RAD51B: variants seen among roughly 807,000 people sequenced by gnomAD.
The protein encoded by RAD51B is RAD51 paralog B.
Under a neutral mutation model 42.2 loss-of-function variants are expected in RAD51B, and 38 were observed. The observed-to-expected ratio is 0.90, with a 90% CI of 0.70 to 1.18. RAD51B has a LOEUF of 1.18. RAD51B is among the 50% of genes most tolerant of loss of function. The pLI, the probability that RAD51B is intolerant of heterozygous loss-of-function variation, is 0.00. For missense variants in RAD51B, 373 were observed against 400.7 expected (o/e 0.93, Z 0.59); for synonymous variants, 154 against 145.2 (o/e 1.06, Z -0.43).
intron 7 of RAD51B, among the ~76,000 whole-genome samples, chr14:68,067,475 A>C (rs1191979195): frequency 1.4e-5 from 2 of 142,912 alleles, no homozygotes; most frequent in Non-Finnish European, 3.0e-5. Context: ...GAAAAAAAAA[A>C]ACAAAAAAAA....
At chr14:67,854,272 G>T (rs1470385312) in intron 4 of RAD51B, among the ~76,000 whole-genome samples, 1 of 152,164 alleles carries the variant, frequency 6.6e-6, no homozygotes, top group Non-Finnish European at 1.5e-5. Context: ...TACCCTTGGG[G>T]TTAATATTAC....
chr14:68,160,892 A>G (rs763422363), intron 7 of RAD51B, among the ~76,000 whole-genome samples: 1 of 152,214 alleles, frequency 6.6e-6, no homozygotes, highest in Non-Finnish European at 1.5e-5. Context: ...GTAACATTGC[A>G]TGGTAATTAC....
At chr14:68,426,704 G>A (rs901692415) in intron 9 of RAD51B, among the ~76,000 whole-genome samples, 2 of 152,180 alleles carry the variant, frequency 1.3e-5, no homozygotes, top group African/African-American at 4.8e-5. Flanking sequence ...AAGAAAGAGA[G>A]CATTTTCTGG....
intron 5 of RAD51B, among the ~76,000 whole-genome samples, chr14:67,867,675 A>G (rs563274546): frequency 5.3e-4 from 80 of 152,370 alleles, no homozygotes; most frequent in Non-Finnish European, 9.3e-4. Flanking sequence ...TGCTGCCTGA[A>G]TAAAACTGGG....
chr14:68,382,582 A>T (rs1049192715), intron 8 of RAD51B, among the ~76,000 whole-genome samples: 1 of 152,230 alleles, frequency 6.6e-6, no homozygotes, highest in Non-Finnish European at 1.5e-5. Context: ...GAAAAGACAG[A>T]ACCTCCCCAC....
chr14:68,124,702 T>C (rs546461949), intron 7 of RAD51B, among the ~76,000 whole-genome samples: 3 of 152,230 alleles, frequency 2.0e-5, no homozygotes, highest in East Asian at 1.9e-4. Context: ...ACCTGTAATC[T>C]CAGCACTTTG....
intron 7 of RAD51B, among the ~76,000 whole-genome samples, chr14:68,146,373 C>A (rs566932380): frequency 4.8e-4 from 73 of 152,200 alleles, no homozygotes; most frequent in African/African-American, 1.7e-3. Flanking sequence ...TTGCTCGAAC[C>A]AAGATGGCGC....
At chr14:68,103,445 T>C (rs2140558988) in intron 7 of RAD51B, among the ~76,000 whole-genome samples, 1 of 152,274 alleles carries the variant, frequency 6.6e-6, no homozygotes, top group South Asian at 2.1e-4. Flanking sequence ...TAAAATGAAG[T>C]GGCCCAGAGG....
intron 9 of RAD51B, among the ~76,000 whole-genome samples, chr14:68,424,986 G>A (rs2084798646): frequency 6.6e-6 from 1 of 152,148 alleles, no homozygotes; most frequent in African/African-American, 2.4e-5. Context: ...TGTTGCCCAG[G>A]CTGGGCTTGA....
chr14:68,538,766 G>A (rs541356337), intron 10 of RAD51B, among the ~76,000 whole-genome samples: 43 of 152,084 alleles, frequency 2.8e-4, no homozygotes, highest in African/African-American at 6.0e-4. Context: ...CTTGTATGGC[G>A]AAAAAGAGCT....
At chr14:68,245,099 A>G (rs976902190) in intron 7 of RAD51B, among the ~76,000 whole-genome samples, 12 of 152,108 alleles carry the variant, frequency 7.9e-5, no homozygotes, top group African/African-American at 2.4e-4. Context: ...TGTCTCCTCC[A>G]TCTCCTCCAG....
At chr14:68,396,984 G>C (rs1451214918) in intron 8 of RAD51B, among the ~76,000 whole-genome samples, 2 of 152,194 alleles carry the variant, frequency 1.3e-5, no homozygotes, top group Non-Finnish European at 2.9e-5. Flanking sequence ...CTTGCCAGGT[G>C]GCCTTGGGCA....
intron 7 of RAD51B, among the ~76,000 whole-genome samples, chr14:68,199,970 T>A (rs17193049): frequency 0.047 from 7,138 of 152,304 alleles, 248 homozygotes; most frequent in South Asian, 0.072. Context: ...AATATCTGAA[T>A]GCCACAGAAG....
intron 7 of RAD51B, among the ~76,000 whole-genome samples, chr14:68,025,316 A>T (rs557389138): frequency 6.6e-6 from 1 of 151,828 alleles, no homozygotes; most frequent in African/African-American, 2.4e-5. Context: ...TACGTTTATT[A>T]TGTCTCTGCT....
intron 10 of RAD51B, among the ~76,000 whole-genome samples, chr14:68,632,457 T>C (rs1466995593): frequency 6.6e-6 from 1 of 152,184 alleles, no homozygotes; most frequent in African/African-American, 2.4e-5. Flanking sequence ...ACTGCAGCCT[T>C]TTCCAGGGAT....
intron 10 of RAD51B, chr14:68,561,973 C>T (rs770760871): frequency 5.1e-6 from 5 of 985,332 alleles, no homozygotes; most frequent in African/African-American, 1.7e-5. Context: ...CAGCAATGTA[C>T]ACGAGCTATT....
chr14:67,956,578 G>A (rs1181144717), intron 7 of RAD51B, among the ~76,000 whole-genome samples: 4 of 152,106 alleles, frequency 2.6e-5, no homozygotes, highest in East Asian at 1.9e-4. Flanking sequence ...TCCTTTTCTC[G>A]AAAAGTATGT....
chr14:68,206,118 A>G (rs923382666), intron 7 of RAD51B, among the ~76,000 whole-genome samples: 1 of 152,186 alleles, frequency 6.6e-6, no homozygotes, highest in Admixed American at 6.5e-5. Flanking sequence ...GTTTTAAAGA[A>G]TTTAAGCCCC....
At chr14:68,244,527 A>G (rs141820041) in intron 7 of RAD51B, among the ~76,000 whole-genome samples, 6 of 152,308 alleles carry the variant, frequency 3.9e-5, no homozygotes, top group Non-Finnish European at 7.4e-5. Flanking sequence ...TCTGGCCCAT[A>G]GTGTCTGCTG....
Sources: allele counts gnomAD v4.1 joint callset (sites outside exome capture counted in the v4.1 genomes callset), GRCh38; gene constraint gnomAD v4.1.1; transcripts MANE v1.5; gene names NCBI Gene and HGNC (gene_info 2026-07-23, HGNC 2026-07-21).